The following MAP4 variants were observed in gnomAD, a reference collection of about 807,000 sequenced individuals.
MAP4 encodes the protein microtubule-associated protein 4.
A neutral mutation model predicts 170.2 loss-of-function variants in MAP4; 76 were observed. The observed-to-expected ratio is 0.45, with a 90% CI of 0.37 to 0.54. MAP4 has a LOEUF of 0.54. Ranked by LOEUF, MAP4 falls within the 20% of genes least tolerant of loss-of-function variation. The probability of loss-of-function intolerance (pLI) is 0.00; values close to 1 mark genes in which losing one functional copy is unlikely to be tolerated. For missense variants in MAP4, 2,506 were observed against 2,748.0 expected (o/e 0.91, Z 1.97); for synonymous variants, 909 against 994.5 (o/e 0.91, Z 1.62).
intron 1 of MAP4, among the ~76,000 whole-genome samples, chr3:48,007,233 T>G (rs1161867509): frequency 3.9e-5 from 6 of 152,214 alleles, no homozygotes; most frequent in Non-Finnish European, 8.8e-5. Context: ...TTCAGGGACC[T>G]TCTGTCTCAG....
At chr3:47,880,613 G>A (rs565477375) in intron 10 of MAP4, among the ~76,000 whole-genome samples, 2 of 151,906 alleles carry the variant, frequency 1.3e-5, no homozygotes, top group East Asian at 3.9e-4. Context: ...CTACTGGTAC[G>A]TGCCACCATA....
intron 10 of MAP4, among the ~76,000 whole-genome samples, chr3:47,890,059 A>G (rs563748574): frequency 6.6e-6 from 1 of 152,276 alleles, no homozygotes; most frequent in Non-Finnish European, 1.5e-5. Context: ...AATAAATATT[A>G]GAGAAAACAG....
At chr3:47,892,871 C>T (rs1042831619) in intron 10 of MAP4, 46 of 1,016,538 alleles carry the variant, frequency 4.5e-5, no homozygotes, top group Admixed American at 5.5e-5. Flanking sequence ...GATATAGATA[C>T]GTGCATACCC....
At chr3:48,038,459 C>CA in intron 1 of MAP4, among the ~76,000 whole-genome samples, 1 of 121,962 alleles carries the variant, frequency 8.2e-6, no homozygotes, top group East Asian at 2.4e-4. Context: ...TGCACTGAAA[C>CA]TTTTTTTTTT....
At chr3:47,992,900 T>C (rs1430225105) in intron 2 of MAP4, among the ~76,000 whole-genome samples, 3 of 142,134 alleles carry the variant, frequency 2.1e-5, no homozygotes, top group African/African-American at 8.1e-5. Flanking sequence ...AGACACTCCA[T>C]CTTAAAAAAA....
chr3:47,919,953 A>G (rs982391347), intron 5 of MAP4, among the ~76,000 whole-genome samples: 3 of 151,456 alleles, frequency 2.0e-5, no homozygotes, highest in African/African-American at 7.3e-5. Context: ...TGCCCAGCTA[A>G]TTTTCTTATT....
intron 17 of MAP4, among the ~76,000 whole-genome samples, chr3:47,864,538 A>G (rs1190094693): frequency 1.3e-5 from 2 of 152,108 alleles, no homozygotes; most frequent in East Asian, 1.9e-4. Flanking sequence ...TTAGCTGGGC[A>G]TTGTGGCGGG....
chr3:47,964,541 T>A (rs2100073683), intron 3 of MAP4, among the ~76,000 whole-genome samples: 1 of 152,186 alleles, frequency 6.6e-6, no homozygotes. Context: ...TGAATTCAGT[T>A]TAGAACATTT....
intron 10 of MAP4, among the ~76,000 whole-genome samples, chr3:47,900,957 A>G (rs2153323070): frequency 6.6e-6 from 1 of 152,288 alleles, no homozygotes; most frequent in South Asian, 2.1e-4. Context: ...TTAGGAGCTT[A>G]CTTTCTTTTC....
intron 1 of MAP4, among the ~76,000 whole-genome samples, chr3:48,067,119 C>T (rs545322170): frequency 2.0e-5 from 3 of 152,088 alleles, no homozygotes; most frequent in South Asian, 2.1e-4. Context: ...AGATCACAAG[C>T]GTGAGCCACC....
chr3:48,056,239 G>C (rs1468462524), intron 1 of MAP4, among the ~76,000 whole-genome samples: 1 of 127,656 alleles, frequency 7.8e-6, no homozygotes, highest in African/African-American at 2.8e-5. Flanking sequence ...CGCCTGGCCA[G>C]CCGTGCCGTC....
At chr3:47,866,236 C>T (rs1380559351) in intron 17 of MAP4, among the ~76,000 whole-genome samples, 1 of 151,810 alleles carries the variant, frequency 6.6e-6, no homozygotes, top group East Asian at 1.9e-4. Context: ...ACTTGGGAGG[C>T]TGAGGCAGGA....
At chr3:47,913,527 G>A (rs1479611943) in intron 8 of MAP4, among the ~76,000 whole-genome samples, 1 of 151,962 alleles carries the variant, frequency 6.6e-6, no homozygotes, top group Non-Finnish European at 1.5e-5. Context: ...GTAAATCTTG[G>A]GTTTCAGAGT....
At chr3:48,026,260 A>G (rs1402621616) in intron 1 of MAP4, among the ~76,000 whole-genome samples, 1 of 152,198 alleles carries the variant, frequency 6.6e-6, no homozygotes, top group Non-Finnish European at 1.5e-5. Context: ...TTGCCTTGTC[A>G]GGCTCACAGA....
chr3:47,907,316 G>A (rs1050028746), intron 9 of MAP4, among the ~76,000 whole-genome samples: 2 of 152,086 alleles, frequency 1.3e-5, no homozygotes, highest in Middle Eastern at 3.2e-3. Context: ...CTCTGGAGAG[G>A]GAAAGCTGGA....
Position 47,909,656 on chromosome 3 carries a change from C to T in MAP4, c.4765G>A (p.Glu1589Lys). The T allele has an allele frequency of 6.2e-7, 1 of 1,614,008 alleles. No individual in the cohort carries two copies. Among genetic ancestry groups the T allele is most frequent in the South Asian group, 1.1e-5 (1 of 91,090 alleles). The change falls in exon 9 of 21, where the codon GAG (glutamate) becomes AAG (lysine). Residue 1589 changes from glutamate (E) to lysine (K), a missense_variant. Coordinates refer to ENST00000683076, the MANE Select transcript of MAP4 (RefSeq NM_001385682.1). ...GCATATCCTTCTAGGGCTCTGGCCTCTCCTGGTAGGCTCTGGTCTTCTACT... is the reference window on the plus strand; with the variant it reads ...GCATATCCTTCTAGGGCTCTGGCCTTTCCTGGTAGGCTCTGGTCTTCTACT... ...VPVEDQSLPG[E>K]ARALEGYADR...
At chr3:47,867,739 TATC>T (rs2151778744) in intron 16 of MAP4, among the ~76,000 whole-genome samples, 1 of 152,318 alleles carries the variant, frequency 6.6e-6, no homozygotes, top group African/African-American at 2.4e-5. Flanking sequence ...CTGCAAGTCT[TATC>T]ATGTGGACCT....
intron 3 of MAP4, among the ~76,000 whole-genome samples, chr3:47,946,654 C>CAAAAAAAAAA (rs11427271): frequency 2.5e-5 from 1 of 40,816 alleles, no homozygotes; most frequent in African/African-American, 9.4e-5. Flanking sequence ...AACTCCGTCT[C>CAAAAAAAAAA]AAAAAAAAAA....
intron 19 of MAP4, among the ~76,000 whole-genome samples, chr3:47,854,453 G>A (rs2050735620): frequency 6.6e-6 from 1 of 152,180 alleles, no homozygotes; most frequent in South Asian, 2.1e-4. Flanking sequence ...TGGAAGGGAA[G>A]GCCCAGGGCA....
Sources: allele counts gnomAD v4.1 joint callset (sites outside exome capture counted in the v4.1 genomes callset), GRCh38; gene constraint gnomAD v4.1.1; transcripts MANE v1.5; gene names NCBI Gene and HGNC (gene_info 2026-07-23, HGNC 2026-07-21).